Variants in LSM3 observed in about 807,000 individuals in gnomAD.
LSM3 encodes the protein LSM3 homolog, U6 small nuclear RNA and mRNA degradation associated.
In LSM3, 14 loss-of-function variants were observed where a neutral mutation model predicts 15.4. The observed-to-expected ratio is 0.91, with a 90% CI of 0.60 to 1.42. The LOEUF (loss-of-function observed/expected upper bound fraction) is 1.42. Ranked by LOEUF, LSM3 falls within the 40% of genes most tolerant of loss-of-function variation. The pLI, the probability that LSM3 is intolerant of heterozygous loss-of-function variation, is 0.00. For synonymous variants in LSM3, 46 were observed against 45.1 expected, an observed-to-expected ratio of 1.02 and a Z score of -0.08; for missense variants, 88 against 127.9, an observed-to-expected ratio of 0.69 and a Z score of 1.50.
At chr3:14,180,820 CCTTTTTTTTTTTTTT>C (rs572484075) in intron 1 of LSM3, among the ~76,000 whole-genome samples, 2,335 of 51,290 alleles carry the variant, frequency 0.046, 112 homozygotes, top group African/African-American at 0.062. Context: ...TGCTTGCTTG[CCTTTTTTTTTTTTTT>C]TTTTTTTTTT....
chr3:14,199,502 A>C lies in LSM3; in HGVS notation c.*1386A>C, dbSNP rs1697216022. 1 of 152,246 alleles carries C rather than the reference A, an allele frequency of 6.6e-6. No homozygotes were observed. Among genetic ancestry groups the C allele is most frequent in the Admixed American group, 6.5e-5 (1 of 15,282 alleles). 9.4% of individuals were successfully genotyped at this position (152,246 alleles called of 1,614,324 possible). A position where few individuals can be genotyped will look rare whatever the true frequency, so the allele number is the denominator to read the frequency against. On this transcript the variant is annotated 3_prime_UTR_variant, in exon 4 of 4. Transcript: ENST00000306024. ...CAGTACTTTAAGCCTTGTGCAAGAA[A>C]GATGCTTTCAGTAAACATATTTAAA... is the stretch of plus-strand genomic sequence containing the variant.
Position 14,181,661 on chromosome 3 carries a change from C to T in LSM3, c.123C>T (p.Gly41=). The change falls in exon 2 of 4, where the codon GGC becomes GGT. Residue 41 remains glycine (G), a synonymous_variant. Coordinates refer to ENST00000306024, the MANE Select transcript of LSM3 (RefSeq NM_014463.3). The part of the protein sequence containing the change: ...VKMRNDRELR[G]RLHAYDQHLN... ...TGAGAAATGACCGAGAGCTTCGAGG[C>T]AGATTACATGTAAGTAAATTTATCA... 6.2e-7 allele frequency: 1 copy of T among 1,609,694 alleles called. No homozygotes were observed. Among genetic ancestry groups the T allele is most frequent in the Non-Finnish European group, 8.5e-7 (1 of 1,175,992 alleles).
intron 3 of LSM3, among the ~76,000 whole-genome samples, chr3:14,189,974 A>G (rs1044891971): frequency 2.0e-5 from 3 of 152,156 alleles, no homozygotes; most frequent in Admixed American, 2.0e-4. Context: ...TGATTTTTGT[A>G]AAAGGTGTAA....
intron 3 of LSM3, among the ~76,000 whole-genome samples, chr3:14,189,265 A>G (rs1325107453): frequency 6.6e-6 from 1 of 152,132 alleles, no homozygotes; most frequent in Admixed American, 6.5e-5. Context: ...ATAAACATAC[A>G]TATGTATGTG....
At chr3:14,184,782 A>T (rs1179135980) in intron 3 of LSM3, among the ~76,000 whole-genome samples, 1 of 147,894 alleles carries the variant, frequency 6.8e-6, no homozygotes, top group Non-Finnish European at 1.5e-5. Context: ...CTGGCCAGGC[A>T]TGGTGGCTCA....
chr3:14,188,504 C>T (rs1173918475), intron 3 of LSM3, among the ~76,000 whole-genome samples: 1 of 152,214 alleles, frequency 6.6e-6, no homozygotes, highest in Non-Finnish European at 1.5e-5. Context: ...GTCTTCCACT[C>T]CAGCCTCTGT....
chr3:14,194,235 A>AG lies in LSM3; in HGVS notation c.229-3798dup, dbSNP rs559671589. 4.5e-3 allele frequency among the ~76,000 whole-genome samples: 685 copies of AG among 152,328 alleles called. 9 individuals are homozygous for AG. Among genetic ancestry groups the AG allele is most frequent in the African/African-American group, 0.016 (646 of 41,578 alleles). On this transcript the variant is annotated intron_variant, in intron 3 of 3. Transcript: ENST00000306024. ...CTGACAGTCATTATACACGGGGGTC[A>AG]GGGACCCACTTGAGGAGGCAGACTG...
At chr3:14,196,272 A>G (rs990877577) in intron 3 of LSM3, among the ~76,000 whole-genome samples, 1 of 152,018 alleles carries the variant, frequency 6.6e-6, no homozygotes, top group Non-Finnish European at 1.5e-5. Flanking sequence ...TGTGAGTTTG[A>G]TGGCCAAGTT....
intron 3 of LSM3, among the ~76,000 whole-genome samples, chr3:14,194,567 A>C (rs945672797): frequency 6.6e-6 from 1 of 151,956 alleles, no homozygotes; most frequent in African/African-American, 2.4e-5. Flanking sequence ...GGGCACTCTA[A>C]ATGTTTGTAT....
chr3:14,179,376 C>T (rs533655988), intron 1 of LSM3, among the ~76,000 whole-genome samples: 2 of 152,244 alleles, frequency 1.3e-5, no homozygotes, highest in South Asian at 4.1e-4. Flanking sequence ...TGTAAGACTT[C>T]CAGGAACTGT....
intron 3 of LSM3, among the ~76,000 whole-genome samples, chr3:14,196,308 G>A (rs1234476157): frequency 6.6e-6 from 1 of 152,074 alleles, no homozygotes; most frequent in Non-Finnish European, 1.5e-5. Context: ...GATAGTGGGT[G>A]TTGCAGAATC....
rs1031610051 is a variant in LSM3 at position 14,200,109 on chromosome 3, A to G, written c.*1993A>G. On this transcript the variant is annotated 3_prime_UTR_variant, in exon 4 of 4. Transcript: ENST00000306024. ...TAAAACTTTTGGCTGTGAGGACTTG[A>G]TTATACACATTTCTAAAACCCATGA... 6.6e-6 allele frequency: 1 copy of G among 152,234 alleles called. No homozygotes were observed. The highest frequency in any genetic ancestry group is 1.5e-5 in the Non-Finnish European group (1 of 68,046). The allele number at this position is 152,234 out of a possible 1,614,324, so 9.4% of individuals were successfully genotyped here.
chr3:14,181,787 G>A (rs1697041501), intron 2 of LSM3, 117 bp downstream of exon 2: 2 of 718,290 alleles, frequency 2.8e-6, no homozygotes, highest in Non-Finnish European at 4.9e-6. Context: ...GTGGTGGAAA[G>A]TCACCCATAT....
chr3:14,198,961 A>C lies in LSM3; in HGVS notation c.*845A>C, dbSNP rs1697210284. On this transcript the variant is annotated 3_prime_UTR_variant, in exon 4 of 4. Transcript: ENST00000306024. ...GATTAGTGCTGATAGAATCATGCAC[A>C]TGCAGGATGCCATAGGAGCATGGGG... is the stretch of plus-strand genomic sequence containing the variant. The C allele has an allele frequency of 6.6e-6, 1 of 152,218 alleles. No individual in the cohort carries two copies. The highest frequency in any genetic ancestry group is 2.4e-5 in the African/African-American group (1 of 41,452). The allele number at this position is 152,218 out of a possible 1,614,324, so 9.4% of individuals were successfully genotyped here.
At chr3:14,185,152 A>G (rs1697076830) in intron 3 of LSM3, among the ~76,000 whole-genome samples, 1 of 152,058 alleles carries the variant, frequency 6.6e-6, no homozygotes. Flanking sequence ...GGAGTTCGAG[A>G]CCACCCTGGC....
rs559665888 is a variant in LSM3 at position 14,197,190 on chromosome 3, C to A, written c.229-846C>A. ...TTTTCTAACCCTGTGAATCCTGTTT[C>A]TTTTCATCTCTGCTTGAAAACCAAC... On this transcript the variant is annotated intron_variant, in intron 3 of 3. Transcript: ENST00000306024. Among the ~76,000 whole-genome samples the A allele has an allele frequency of 2.0e-5, 3 of 152,314 alleles. No individual in the cohort carries two copies. In the South Asian group the frequency reaches 6.2e-4, roughly 32 times the overall value.
chr3:14,196,443 A>C (rs1697188635), intron 3 of LSM3, among the ~76,000 whole-genome samples: 1 of 152,158 alleles, frequency 6.6e-6, no homozygotes, highest in South Asian at 2.1e-4. Flanking sequence ...CTTGTACAGA[A>C]ACCTATCCCC....
At chr3:14,187,649 A>G (rs1184067192) in intron 3 of LSM3, among the ~76,000 whole-genome samples, 1 of 152,202 alleles carries the variant, frequency 6.6e-6, no homozygotes, top group East Asian at 1.9e-4. Flanking sequence ...CCCATTTTAC[A>G]TTTCGCTCTC....
At chr3:14,192,388 G>A (rs1057474987) in intron 3 of LSM3, among the ~76,000 whole-genome samples, 2 of 152,174 alleles carry the variant, frequency 1.3e-5, no homozygotes, top group African/African-American at 4.8e-5. Context: ...GGGTGTTAAA[G>A]TCTCCCGCAA....
Sources: allele counts gnomAD v4.1 joint callset (sites outside exome capture counted in the v4.1 genomes callset), GRCh38; gene constraint gnomAD v4.1.1; transcripts MANE v1.5; gene names NCBI Gene and HGNC (gene_info 2026-07-23, HGNC 2026-07-21).